TRMT11: variants seen among roughly 807,000 people sequenced by gnomAD.
The protein encoded by TRMT11 is tRNA (guanine(10)-N(2))-methyltransferase TRMT11.
TRMT11 carries 53 observed loss-of-function variants against 62.8 expected under a neutral mutation model. The ratio of observed to expected loss-of-function variants is 0.84; its 90% CI spans 0.68 to 1.06. The LOEUF (loss-of-function observed/expected upper bound fraction) is 1.06, where lower values mean the gene tolerates loss of function less well. TRMT11 is among the 50% of genes least tolerant of loss of function. TRMT11 has a pLI of 0.00. For synonymous variants in TRMT11, 188 were observed against 190.3 expected, an observed-to-expected ratio of 0.99 and a Z score of 0.10; for missense variants, 556 against 553.4, an observed-to-expected ratio of 1.00 and a Z score of -0.05.
chr6:126,066,588 C>A (rs1487832115), intron 17 of TRMT11, among the ~76,000 whole-genome samples: 1 of 152,154 alleles, frequency 6.6e-6, no homozygotes, highest in Non-Finnish European at 1.5e-5. Context: ...AAAAGCCCCA[C>A]CTCTGAAACC....
the TRMT11 span, among the ~76,000 whole-genome samples, chr6:126,240,056 C>T: frequency 1.3e-5 from 2 of 152,200 alleles, no homozygotes; most frequent in African/African-American, 4.8e-5. Context: ...TTTTCAGCTC[C>T]ATCAGGTCCT....
intron 17 of TRMT11, among the ~76,000 whole-genome samples, chr6:126,106,908 T>A (rs1777470738): frequency 6.9e-6 from 1 of 144,762 alleles, no homozygotes; most frequent in South Asian, 2.2e-4. Context: ...CACTCCAGCA[T>A]GCGTAACAGA....
chr6:126,043,042 CTTTT>C (rs948783847), downstream of TRMT11, among the ~76,000 whole-genome samples: 1 of 151,592 alleles, frequency 6.6e-6, no homozygotes, highest in Admixed American at 6.6e-5. Flanking sequence ...TTTCTTTTTT[CTTTT>C]TTTATTTTAT....
intron 18 of TRMT11, among the ~76,000 whole-genome samples, chr6:126,114,425 G>A (rs1172283078): frequency 6.6e-6 from 1 of 152,098 alleles, no homozygotes; most frequent in African/African-American, 2.4e-5. Context: ...GGTGACAGCT[G>A]TGTGCTGATT....
chr6:126,077,602 G>A (rs11963131), intron 17 of TRMT11, among the ~76,000 whole-genome samples: 24,572 of 152,162 alleles, frequency 0.16, 6,449 homozygotes, highest in African/African-American at 0.55. Flanking sequence ...AACTGGGACT[G>A]CAGGCATGAG....
chr6:126,253,031 G>A, the TRMT11 span, among the ~76,000 whole-genome samples: 1 of 151,866 alleles, frequency 6.6e-6, no homozygotes, highest in Non-Finnish European at 1.5e-5. Flanking sequence ...AGAATGTATG[G>A]AGTAAGCTTA....
intron 17 of TRMT11, among the ~76,000 whole-genome samples, chr6:126,099,734 AAG>A (rs1295326601): frequency 6.6e-6 from 1 of 152,212 alleles, no homozygotes; most frequent in African/African-American, 2.4e-5. Flanking sequence ...GTGACAGAGC[AAG>A]ACTCTGTCTC....
chr6:126,118,016 T>C (rs1777610049), intron 21 of TRMT11, among the ~76,000 whole-genome samples: 1 of 152,138 alleles, frequency 6.6e-6, no homozygotes, highest in African/African-American at 2.4e-5. Context: ...GAAAAGTGTT[T>C]TATTCTCAGA....
At chr6:126,205,877 A>G (rs947500361), downstream of TRMT11, among the ~76,000 whole-genome samples, 1 of 149,794 alleles carries the variant, frequency 6.7e-6, no homozygotes, top group African/African-American at 2.5e-5. Flanking sequence ...AAGCTCAAAT[A>G]TGCCTGCACA....
the TRMT11 span, among the ~76,000 whole-genome samples, chr6:126,256,733 A>G: frequency 6.6e-6 from 1 of 152,184 alleles, no homozygotes; most frequent in Non-Finnish European, 1.5e-5. Flanking sequence ...CACTTCCTTG[A>G]TAAGCTCTCA....
At chr6:126,203,600 T>C (rs1414066670), downstream of TRMT11, among the ~76,000 whole-genome samples, 1 of 152,202 alleles carries the variant, frequency 6.6e-6, no homozygotes, top group Non-Finnish European at 1.5e-5. Flanking sequence ...TTGAAATATG[T>C]ATTTGTGTTA....
chr6:126,240,025 C>T, the TRMT11 span, among the ~76,000 whole-genome samples: 1 of 152,136 alleles, frequency 6.6e-6, no homozygotes, highest in Non-Finnish European at 1.5e-5. Context: ...GTGCATTTGT[C>T]ACGTAGTTCT....
At chr6:126,012,714 C>G in intron 9 of TRMT11, 57 bp from the exon 10 acceptor site, 1 of 1,384,258 alleles carries the variant, frequency 7.2e-7, no homozygotes, top group Non-Finnish European at 1.0e-6. Context: ...GCTGTTTGCC[C>G]TTGATCCATG....
At chr6:126,048,716 A>G (rs1312072450) in intron 16 of TRMT11, among the ~76,000 whole-genome samples, 3 of 152,180 alleles carry the variant, frequency 2.0e-5, no homozygotes. Context: ...TTGGTGCTAG[A>G]CTTGTGACTC....
At chr6:126,125,265 CT>C (rs1777702616) in intron 21 of TRMT11, among the ~76,000 whole-genome samples, 1 of 151,958 alleles carries the variant, frequency 6.6e-6, no homozygotes, top group Non-Finnish European at 1.5e-5. Context: ...TTTTTTTCCT[CT>C]TATATGAAGA....
chr6:126,112,792 C>G (rs1777546800), intron 17 of TRMT11, among the ~76,000 whole-genome samples: 1 of 152,002 alleles, frequency 6.6e-6, no homozygotes, highest in South Asian at 2.1e-4. Flanking sequence ...CATTGTCTTT[C>G]TTTCAGTCAT....
chr6:126,194,375 T>C (rs1778640582), intron 1 of TRMT11, among the ~76,000 whole-genome samples: 1 of 152,208 alleles, frequency 6.6e-6, no homozygotes, highest in African/African-American at 2.4e-5. Context: ...TGTGCTCCTT[T>C]CCATTTCACT....
intron 21 of TRMT11, among the ~76,000 whole-genome samples, chr6:126,134,842 C>T (rs1200651281): frequency 1.3e-5 from 2 of 151,782 alleles, no homozygotes; most frequent in African/African-American, 4.8e-5. Context: ...GCTAGAGGAA[C>T]TTCAGAAACC....
At chr6:126,157,730 T>C (rs1278802979) in intron 21 of TRMT11, among the ~76,000 whole-genome samples, 6 of 152,254 alleles carry the variant, frequency 3.9e-5, no homozygotes, top group Admixed American at 2.0e-4. Context: ...GAAAAGGAAT[T>C]AAATTTACAT....
Sources: allele counts gnomAD v4.1 joint callset (sites outside exome capture counted in the v4.1 genomes callset), GRCh38; gene constraint gnomAD v4.1.1; transcripts MANE v1.5; gene names NCBI Gene and HGNC (gene_info 2026-07-23, HGNC 2026-07-21).